TUSC3: variants seen among roughly 807,000 people sequenced by gnomAD.
The protein encoded by TUSC3 is dolichyl-diphosphooligosaccharide--protein glycosyltransferase subunit TUSC3.
In TUSC3, 45 loss-of-function variants were observed where a neutral mutation model predicts 44.8. The ratio of observed to expected loss-of-function variants is 1.00; its 90% confidence interval spans 0.79 to 1.29. The LOEUF (loss-of-function observed/expected upper bound fraction) is 1.29, where lower values mean the gene tolerates loss of function less well. Among genes scored for constraint, TUSC3 ranks in the 50% most tolerant of loss-of-function variants. The pLI is 0.00. For synonymous variants in TUSC3, 212 were observed against 152.9 expected (o/e 1.39, Z -2.85); for missense variants, 519 against 437.9 (o/e 1.19, Z -1.65).
At chr8:15,793,010 A>G in the TUSC3 span, among the ~76,000 whole-genome samples, 1 of 151,926 alleles carries the variant, frequency 6.6e-6, no homozygotes, top group African/African-American at 2.4e-5. Context: ...CAAAAATAGA[A>G]CCAATGAGAA....
chr8:15,663,143 T>C (rs1235981696), intron 5 of TUSC3, among the ~76,000 whole-genome samples: 1 of 151,606 alleles, frequency 6.6e-6, no homozygotes, highest in Non-Finnish European at 1.5e-5. Context: ...TCTTTCACAA[T>C]AGGAAGGGAA....
chr8:15,550,732 C>G (rs1305911494), intron 1 of TUSC3, among the ~76,000 whole-genome samples: 1 of 151,408 alleles, frequency 6.6e-6, no homozygotes, highest in Admixed American at 6.6e-5. Flanking sequence ...AGTGCAGTGG[C>G]ATGGTCTCAT....
At chr8:15,563,324 G>C (rs951245950) in intron 1 of TUSC3, among the ~76,000 whole-genome samples, 1 of 152,084 alleles carries the variant, frequency 6.6e-6, no homozygotes, top group Non-Finnish European at 1.5e-5. Context: ...AACCTGTTAA[G>C]TAGTCTCTGA....
chr8:15,505,845 G>C (rs1213298892), intron 2 of TUSC3, among the ~76,000 whole-genome samples: 3 of 152,104 alleles, frequency 2.0e-5, no homozygotes, highest in African/African-American at 7.2e-5. Flanking sequence ...CCATAGTTGA[G>C]AGAATATTTC....
At chr8:15,607,434 T>G (rs1804577679) in intron 1 of TUSC3, among the ~76,000 whole-genome samples, 2 of 152,132 alleles carry the variant, frequency 1.3e-5, no homozygotes, top group Admixed American at 6.6e-5. Flanking sequence ...TTACATACAT[T>G]TGTAAAATAA....
intron 8 of TUSC3, among the ~76,000 whole-genome samples, chr8:15,744,365 C>T (rs1330212966): frequency 6.6e-6 from 1 of 152,082 alleles, no homozygotes; most frequent in African/African-American, 2.4e-5. Flanking sequence ...TTGTTTCCTG[C>T]CACAGACCTT....
intron 6 of TUSC3, among the ~76,000 whole-genome samples, chr8:15,710,377 G>A (rs540205977): frequency 3.3e-5 from 5 of 151,850 alleles, no homozygotes; most frequent in African/African-American, 9.6e-5. Flanking sequence ...GTGTCTTCTA[G>A]TATAGGGCCT....
intron 6 of TUSC3, among the ~76,000 whole-genome samples, chr8:15,725,456 T>A (rs544296179): frequency 6.6e-6 from 1 of 152,178 alleles, no homozygotes; most frequent in East Asian, 1.9e-4. Context: ...AAAAACAAAT[T>A]ACTCACTGGC....
the TUSC3 span, among the ~76,000 whole-genome samples, chr8:15,822,174 G>A: frequency 1.3e-5 from 2 of 148,700 alleles, no homozygotes; most frequent in African/African-American, 5.1e-5. Flanking sequence ...AATTGAAAAC[G>A]CTACAAATAG....
At chr8:15,850,981 C>G in the TUSC3 span, among the ~76,000 whole-genome samples, 1 of 152,252 alleles carries the variant, frequency 6.6e-6, no homozygotes, top group South Asian at 2.1e-4. Flanking sequence ...TGAGCATATT[C>G]TTCACTATAC....
At chr8:15,445,154 A>C (rs1800077217) in intron 1 of TUSC3, among the ~76,000 whole-genome samples, 1 of 152,168 alleles carries the variant, frequency 6.6e-6, no homozygotes, top group Non-Finnish European at 1.5e-5. Context: ...AGGAAAATTC[A>C]ATGACCGTGG....
chr8:15,743,493 T>G (rs767904256), intron 7 of TUSC3, 45 bp from the exon 8 acceptor site: 2 of 1,601,766 alleles, frequency 1.2e-6, no homozygotes, highest in Non-Finnish European at 1.7e-6. Context: ...AATTAATAGA[T>G]TTTATTCACA....
At chr8:15,570,461 T>C (rs1169988924) in intron 1 of TUSC3, among the ~76,000 whole-genome samples, 2 of 152,184 alleles carry the variant, frequency 1.3e-5, no homozygotes, top group Non-Finnish European at 2.9e-5. Flanking sequence ...ATGTCATTTT[T>C]TTCCCTGTGT....
chr8:15,591,012 A>G lies in TUSC3; in HGVS notation c.139-32068A>G, dbSNP rs191254869. ...GCCAGATCTGATATAAAGAAGTAGG[A>G]GAAATCTTTGCCATGCTGAGTTCTT... is the stretch of plus-strand genomic sequence containing the variant. On this transcript the variant is annotated intron_variant, in intron 1 of 10. Transcript: ENST00000503731. Among the ~76,000 whole-genome samples the G allele has an allele frequency of 9.6e-4, 146 of 152,284 alleles. 2 individuals are homozygous for G. The highest frequency in any genetic ancestry group is 3.4e-3 in the African/African-American group (141 of 41,550).
At chr8:15,555,276 A>ATTTTTTTTTTTTTTTTTTT (rs35757466) in intron 1 of TUSC3, among the ~76,000 whole-genome samples, 1 of 44,892 alleles carries the variant, frequency 2.2e-5, no homozygotes, top group African/African-American at 1.1e-4. Context: ...TGCCAGGCTA[A>ATTTTTTTTTTTTTTTTTTT]TTTTTTTTTT....
At chr8:15,681,643 A>G (rs547896137) in intron 6 of TUSC3, among the ~76,000 whole-genome samples, 72 of 147,316 alleles carry the variant, frequency 4.9e-4, no homozygotes, top group African/African-American at 1.7e-3. Context: ...TTGATTCTTT[A>G]TATGGATTTC....
chr8:15,773,955 C>T, the TUSC3 span, among the ~76,000 whole-genome samples: 1 of 152,086 alleles, frequency 6.6e-6, no homozygotes, highest in African/African-American at 2.4e-5. Flanking sequence ...CTTTTAGAAA[C>T]ATAGGTGTGA....
intron 1 of TUSC3, among the ~76,000 whole-genome samples, chr8:15,460,232 T>G (rs1486190622): frequency 6.6e-6 from 1 of 152,126 alleles, no homozygotes; most frequent in African/African-American, 2.4e-5. Flanking sequence ...ATGGCCATTC[T>G]TGTGGAGTAA....
chr8:15,458,515 A>G (rs922826322), intron 1 of TUSC3, among the ~76,000 whole-genome samples: 3 of 152,186 alleles, frequency 2.0e-5, no homozygotes, highest in Admixed American at 1.3e-4. Context: ...CTGGCCATAC[A>G]GGTGGAAGCC....
Sources: allele counts gnomAD v4.1 joint callset (sites outside exome capture counted in the v4.1 genomes callset), GRCh38; gene constraint gnomAD v4.1.1; transcripts MANE v1.5; gene names NCBI Gene and HGNC (gene_info 2026-07-23, HGNC 2026-07-21).